Variants in NTRK2 observed in about 807,000 individuals in gnomAD.
NTRK2 encodes the protein neurotrophic receptor tyrosine kinase 2.
Under a neutral mutation model 94.5 loss-of-function variants are expected in NTRK2, and 13 were observed. The ratio of observed to expected loss-of-function variants is 0.14; its 90% CI spans 0.09 to 0.22. The LOEUF (loss-of-function observed/expected upper bound fraction) is 0.22. Among genes scored for constraint, NTRK2 ranks in the 10% least tolerant of loss-of-function variants. The pLI, the probability that NTRK2 is intolerant of heterozygous loss-of-function variation, is 1.00. For synonymous variants in NTRK2, 372 were observed against 407.4 expected, an observed-to-expected ratio of 0.91 and a Z score of 1.05; for missense variants, 639 against 1,071.2, an observed-to-expected ratio of 0.60 and a Z score of 5.63.
intron 12 of NTRK2, among the ~76,000 whole-genome samples, chr9:84,842,582 C>T (rs142323613): frequency 1.3e-5 from 2 of 152,230 alleles, no homozygotes; most frequent in African/African-American, 4.8e-5. Context: ...CTTCCCTGGC[C>T]TCACTCTGGG....
chr9:84,859,988 C>T (rs778211761), intron 12 of NTRK2, among the ~76,000 whole-genome samples: 2 of 152,130 alleles, frequency 1.3e-5, no homozygotes, highest in Admixed American at 6.5e-5. Context: ...TTGTAGGATA[C>T]GAGGGAGGGA....
intron 12 of NTRK2, among the ~76,000 whole-genome samples, chr9:84,775,891 T>C (rs944799994): frequency 5.9e-5 from 9 of 152,216 alleles, no homozygotes; most frequent in Non-Finnish European, 1.3e-4. Flanking sequence ...AGGTGATTTA[T>C]ATGCTCTTTA....
chr9:85,010,303 A>C lies in NTRK2; in HGVS notation c.2173-9903A>C, dbSNP rs79730446. Among the ~76,000 whole-genome samples the C allele has an allele frequency of 1.8e-3, 279 of 152,296 alleles. 10 individuals carry two copies. In the East Asian group the frequency reaches 0.049, roughly 27 times the overall value. On this transcript the variant is annotated intron_variant, in intron 17 of 18. Transcript: ENST00000277120. ...CATCATAACACAGACAATGACACACATATTGATCCTATTTTCCTGGTTGCT... is the reference window on the plus strand; with the variant it reads ...CATCATAACACAGACAATGACACACCTATTGATCCTATTTTCCTGGTTGCT...
chr9:84,944,585 C>T (rs2078531122), intron 15 of NTRK2, among the ~76,000 whole-genome samples: 2 of 152,356 alleles, frequency 1.3e-5, no homozygotes, highest in Admixed American at 1.3e-4. Context: ...TAAGCTATCT[C>T]AGTGACTCAG....
At chr9:84,765,421 C>T (rs2065936177) in intron 12 of NTRK2, among the ~76,000 whole-genome samples, 1 of 152,100 alleles carries the variant, frequency 6.6e-6, no homozygotes, top group African/African-American at 2.4e-5. Context: ...CATTTTGTGG[C>T]TGGTGGTAGC....
intron 12 of NTRK2, among the ~76,000 whole-genome samples, chr9:84,790,239 T>A (rs1053689418): frequency 6.6e-6 from 1 of 152,192 alleles, no homozygotes; most frequent in Admixed American, 6.5e-5. Context: ...CATTACCTTT[T>A]AAGTAAATTT....
At chr9:84,797,519 T>A (rs2069481291) in intron 12 of NTRK2, among the ~76,000 whole-genome samples, 3 of 103,700 alleles carry the variant, frequency 2.9e-5, no homozygotes, top group African/African-American at 1.2e-4. Flanking sequence ...TTACTATTAT[T>A]ATTACTATAA....
At chr9:84,769,385 A>G (rs2066319528) in intron 12 of NTRK2, among the ~76,000 whole-genome samples, 1 of 152,200 alleles carries the variant, frequency 6.6e-6, no homozygotes, top group Non-Finnish European at 1.5e-5. Context: ...GAGTCCCTGA[A>G]TGATCACCTG....
intron 12 of NTRK2, among the ~76,000 whole-genome samples, chr9:84,773,979 G>T (rs1453217327): frequency 6.6e-6 from 1 of 152,100 alleles, no homozygotes; most frequent in East Asian, 1.9e-4. Context: ...AAGGTTTGTG[G>T]CTCCTAACGT....
upstream of NTRK2, chr9:84,668,695 T>G (rs200630459): frequency 5.9e-5 from 9 of 152,350 alleles, no homozygotes; most frequent in African/African-American, 2.2e-4. Context: ...CGCGCCTGGC[T>G]TCTTCGTAGC....
At chr9:84,882,719 T>TGTGTGTGCGCGCGCGCGCGC (rs761042296) in intron 14 of NTRK2, among the ~76,000 whole-genome samples, 4 of 145,742 alleles carry the variant, frequency 2.7e-5, no homozygotes, top group South Asian at 2.1e-4. Flanking sequence ...TGTGTGTGTG[T>TGTGTGTGCGCGCGCGCGCGC]GCGCGCGCGC....
chr9:84,897,835 G>A (rs769578316), intron 14 of NTRK2, among the ~76,000 whole-genome samples: 1 of 152,170 alleles, frequency 6.6e-6, no homozygotes, highest in Non-Finnish European at 1.5e-5. Flanking sequence ...TTCTGAAGAA[G>A]ATGAAAGAAA....
intron 14 of NTRK2, among the ~76,000 whole-genome samples, chr9:84,871,473 A>C (rs1006239495): frequency 6.6e-6 from 1 of 152,230 alleles, no homozygotes; most frequent in African/African-American, 2.4e-5. Flanking sequence ...ATGAATAAAA[A>C]CACCTTATTT....
chr9:84,783,166 T>C (rs1036539044), intron 12 of NTRK2, among the ~76,000 whole-genome samples: 6 of 152,186 alleles, frequency 3.9e-5, no homozygotes, highest in African/African-American at 1.4e-4. Context: ...CTCACAGATG[T>C]TTATTTAGAA....
chr9:84,817,113 A>C (rs1187809993), intron 12 of NTRK2, among the ~76,000 whole-genome samples: 1 of 152,222 alleles, frequency 6.6e-6, no homozygotes, highest in Non-Finnish European at 1.5e-5. Flanking sequence ...GCTCAGGTAA[A>C]GCCCTTGGCA....
At chr9:84,678,926 T>C (rs762038609) in intron 2 of NTRK2, among the ~76,000 whole-genome samples, 28 of 152,308 alleles carry the variant, frequency 1.8e-4, no homozygotes, top group Non-Finnish European at 3.8e-4. Flanking sequence ...AAAATTCATG[T>C]GTTGAAACTC....
chr9:84,976,363 C>T (rs7026697), intron 17 of NTRK2, among the ~76,000 whole-genome samples: 72,960 of 151,930 alleles, frequency 0.48, 17,947 homozygotes, highest in Middle Eastern at 0.54. Context: ...GCTCTACTTA[C>T]GGGTGCCTTT....
intron 12 of NTRK2, among the ~76,000 whole-genome samples, chr9:84,828,778 T>C (rs988783058): frequency 2.6e-5 from 4 of 152,128 alleles, no homozygotes; most frequent in African/African-American, 9.7e-5. Context: ...TTGTGTGATG[T>C]GTGATTCATG....
intron 14 of NTRK2, among the ~76,000 whole-genome samples, chr9:84,916,678 G>C (rs2077402895): frequency 6.6e-6 from 1 of 152,274 alleles, no homozygotes. Context: ...TTCAGGGTCT[G>C]GGTGCAGCTG....
Sources: allele counts gnomAD v4.1 joint callset (sites outside exome capture counted in the v4.1 genomes callset), GRCh38; gene constraint gnomAD v4.1.1; transcripts MANE v1.5; gene names NCBI Gene and HGNC (gene_info 2026-07-23, HGNC 2026-07-21).